PPM1L: variants seen among roughly 807,000 people sequenced by gnomAD.
PPM1L encodes protein phosphatase, Mg2+/Mn2+ dependent 1L.
PPM1L carries 13 observed loss-of-function variants against 31.4 expected under a neutral mutation model. The observed-to-expected ratio is 0.41, with a 90% CI of 0.27 to 0.66. The LOEUF is 0.66. PPM1L is among the 30% of genes least tolerant of loss of function. The pLI is 0.29. For missense variants in PPM1L, 326 were observed against 453.7 expected, an observed-to-expected ratio of 0.72 and a Z score of 2.56; for synonymous variants, 184 against 175.4, an observed-to-expected ratio of 1.05 and a Z score of -0.39.
chr3:160,769,703 C>A (rs947222153), intron 1 of PPM1L, among the ~76,000 whole-genome samples: 6 of 151,958 alleles, frequency 3.9e-5, no homozygotes, highest in Non-Finnish European at 7.4e-5. Flanking sequence ...CTTCTGTTGG[C>A]TATCCATTTT....
chr3:160,768,503 C>G (rs1715168264), intron 1 of PPM1L, among the ~76,000 whole-genome samples: 1 of 152,078 alleles, frequency 6.6e-6, no homozygotes, highest in South Asian at 2.1e-4. Context: ...TAAATATTAA[C>G]ATTAAATTTA....
At chr3:160,962,652 G>T (rs1282836614) in intron 2 of PPM1L, among the ~76,000 whole-genome samples, 1 of 151,976 alleles carries the variant, frequency 6.6e-6, no homozygotes, top group Non-Finnish European at 1.5e-5. Flanking sequence ...AATGTTAATG[G>T]TATTAATTCT....
intron 1 of PPM1L, among the ~76,000 whole-genome samples, chr3:160,868,332 A>G (rs1215292451): frequency 6.6e-6 from 1 of 152,170 alleles, no homozygotes; most frequent in Admixed American, 6.5e-5. Context: ...AGCAGATGCA[A>G]CATTGGTGAC....
chr3:160,981,430 A>G lies in PPM1L; in HGVS notation c.574+19520A>G, dbSNP rs1350229130. On this transcript the variant is annotated intron_variant, in intron 2 of 3. Coordinates refer to ENST00000498165, the MANE Select transcript of PPM1L (RefSeq NM_139245.4). ...GGCCTCTTGCCACATGGCTTCCCTCAGTGTGAGTGATGTAAGAGACAGAGA... is the reference window on the plus strand; with the variant it reads ...GGCCTCTTGCCACATGGCTTCCCTCGGTGTGAGTGATGTAAGAGACAGAGA... Among the ~76,000 whole-genome samples the G allele has an allele frequency of 3.3e-5, 5 of 152,238 alleles. No individual in the cohort carries two copies. The South Asian group carries it at 1.0e-3, about 31-fold the overall frequency.
At chr3:160,953,826 TATTC>T (rs1267770091) in intron 1 of PPM1L, among the ~76,000 whole-genome samples, 3 of 152,218 alleles carry the variant, frequency 2.0e-5, no homozygotes, top group Admixed American at 2.0e-4. Flanking sequence ...TGTGTAACTT[TATTC>T]AGTTTTCCCA....
At chr3:160,965,108 G>A (rs3185479) in intron 2 of PPM1L, among the ~76,000 whole-genome samples, 20 of 151,640 alleles carry the variant, frequency 1.3e-4, no homozygotes, top group Admixed American at 6.6e-5. Context: ...AAAATTAGCC[G>A]GGCGTGGTGG....
At chr3:160,845,680 A>G (rs1714055234) in intron 1 of PPM1L, among the ~76,000 whole-genome samples, 1 of 152,010 alleles carries the variant, frequency 6.6e-6, no homozygotes, top group Admixed American at 6.6e-5. Context: ...GTATGATGTA[A>G]AAATTTCTTA....
At chr3:160,804,098 T>G (rs957290877) in intron 1 of PPM1L, among the ~76,000 whole-genome samples, 5 of 151,538 alleles carry the variant, frequency 3.3e-5, no homozygotes, top group African/African-American at 1.2e-4. Flanking sequence ...TTTTTCTTTT[T>G]TTTTTTTCTA....
At chr3:160,994,802 A>G (rs765065477) in intron 2 of PPM1L, among the ~76,000 whole-genome samples, 19 of 152,178 alleles carry the variant, frequency 1.2e-4, no homozygotes, top group Non-Finnish European at 2.5e-4. Context: ...CTATGGAGAA[A>G]AATAAAGCAG....
At chr3:160,904,312 A>G (rs571804692) in intron 1 of PPM1L, among the ~76,000 whole-genome samples, 53 of 152,316 alleles carry the variant, frequency 3.5e-4, no homozygotes, top group Middle Eastern at 3.4e-3. Flanking sequence ...TTAAAAGCAT[A>G]TATGATGTTC....
chr3:161,048,101 C>A (rs1719141743), intron 2 of PPM1L, among the ~76,000 whole-genome samples: 1 of 152,304 alleles, frequency 6.6e-6, no homozygotes, highest in Admixed American at 6.5e-5. Flanking sequence ...TCTAATTAAA[C>A]TAAAGAGCTT....
At chr3:160,759,898 A>C (rs912683863) in intron 1 of PPM1L, among the ~76,000 whole-genome samples, 1 of 152,168 alleles carries the variant, frequency 6.6e-6, no homozygotes. Context: ...AATAGGGATA[A>C]TAATGCCTGT....
intron 1 of PPM1L, among the ~76,000 whole-genome samples, chr3:160,843,426 TTA>T (rs55994031): frequency 0.069 from 3,258 of 46,992 alleles, 78 homozygotes; most frequent in East Asian, 0.083. Flanking sequence ...GGCAATTCTT[TTA>T]TATATATATA....
rs551319277 is a variant in PPM1L, at chr3:160,794,400, A to T, written c.399+37693A>T. ...TCTGTGTCCAATAGCTCTCCTCATG[A>T]TAAAACTCTAGCTTCCAGTCATACG... On this transcript the variant is annotated intron_variant, in intron 1 of 3. Coordinates refer to ENST00000498165, the MANE Select transcript of PPM1L (RefSeq NM_139245.4). Among the ~76,000 whole-genome samples the T allele has an allele frequency of 2.6e-5, 4 of 152,302 alleles. No homozygotes were observed. The East Asian group carries it at 7.7e-4, about 29-fold the overall frequency.
rs796242302 is a variant in PPM1L at position 160,797,058 on chromosome 3, T to TTTTTG, written c.399+40371_399+40375dup. On this transcript the variant is annotated intron_variant, in intron 1 of 3. Coordinates refer to ENST00000498165, the MANE Select transcript of PPM1L (RefSeq NM_139245.4). ...ATTGCATTTCACAGATGCTGCAGGG[T>TTTTTG]TTTTGTTTTGTTTTGTTTTGTTTTT... Among the ~76,000 whole-genome samples the TTTTTG allele has an allele frequency of 5.9e-5, 9 of 152,232 alleles. No homozygotes were observed. The East Asian group carries it at 7.7e-4, about 13-fold the overall frequency.
rs1040391505 is a variant in PPM1L, at chr3:160,978,262, G to A, written c.574+16352G>A. Among the ~76,000 whole-genome samples, 32 of 152,170 alleles carry A rather than the reference G, an allele frequency of 2.1e-4. 1 individual carries two copies. On this transcript the variant is annotated intron_variant, in intron 2 of 3. Coordinates refer to ENST00000498165, the MANE Select transcript of PPM1L (RefSeq NM_139245.4). Reference sequence around the variant, plus strand: ...TAACTTCCCTGAATTTCTGGTTTATGTAGGCCTGAAGGCTGAGTGAGTTCT... The same window carrying A: ...TAACTTCCCTGAATTTCTGGTTTATATAGGCCTGAAGGCTGAGTGAGTTCT...
At chr3:160,961,979 C>A in intron 2 of PPM1L, 69 bp downstream of exon 2, 1 of 1,312,714 alleles carries the variant, frequency 7.6e-7, no homozygotes, top group Non-Finnish European at 1.0e-6. Flanking sequence ...CTTGATTAAA[C>A]TTGGTAAAAG....
At chr3:160,862,922 T>C (rs1711955554) in intron 1 of PPM1L, among the ~76,000 whole-genome samples, 1 of 152,162 alleles carries the variant, frequency 6.6e-6, no homozygotes, top group South Asian at 2.1e-4. Flanking sequence ...TAGGTTTGCT[T>C]AGGAGAAAAA....
chr3:160,835,082 C>CTTCTTCT (rs1403731631), intron 1 of PPM1L, among the ~76,000 whole-genome samples: 6 of 141,666 alleles, frequency 4.2e-5, no homozygotes, highest in East Asian at 2.0e-4. Flanking sequence ...TCTTCTTCTT[C>CTTCTTCT]TTCTTTCTTT....
Sources: gnomAD v4.1 joint callset for allele counts (sites outside exome capture counted in the v4.1 genomes callset) on GRCh38, gnomAD v4.1.1 for gene constraint, MANE v1.5 for transcripts, NCBI Gene and HGNC (gene_info 2026-07-23, HGNC 2026-07-21) for gene names.